SPMIP2: variants seen among roughly 807,000 people sequenced by gnomAD.
SPMIP2 encodes the protein sperm microtubule inner protein 2.
At chr4:158,949,597 G>A in the SPMIP2 span, among the ~76,000 whole-genome samples, 11 of 151,526 alleles carry the variant, frequency 7.3e-5, no homozygotes, top group South Asian at 2.1e-4. Flanking sequence ...CCCTATTTGC[G>A]GGATATTAAG....
At chr4:158,923,853 T>A in the SPMIP2 span, among the ~76,000 whole-genome samples, 6 of 152,192 alleles carry the variant, frequency 3.9e-5, no homozygotes, top group East Asian at 1.9e-4. Context: ...GGTTTTTTTT[T>A]ATAGATTCAC....
the SPMIP2 span, among the ~76,000 whole-genome samples, chr4:158,967,658 TG>T: frequency 1.3e-5 from 2 of 152,216 alleles, no homozygotes; most frequent in Non-Finnish European, 2.9e-5. Context: ...GACTCAAAAC[TG>T]GTGGCTATTT....
chr4:159,066,452 T>C, the SPMIP2 span, among the ~76,000 whole-genome samples: 3 of 152,044 alleles, frequency 2.0e-5, no homozygotes, highest in African/African-American at 7.3e-5. Flanking sequence ...CACCTCTGCA[T>C]GAATTCAGAA....
At chr4:159,050,182 T>C in the SPMIP2 span, among the ~76,000 whole-genome samples, 1 of 150,396 alleles carries the variant, frequency 6.6e-6, no homozygotes, top group Non-Finnish European at 1.5e-5. Flanking sequence ...TTCTTCTCAC[T>C]GGGTGGTACT....
At chr4:158,915,939 G>A in the SPMIP2 span, among the ~76,000 whole-genome samples, 4 of 152,186 alleles carry the variant, frequency 2.6e-5, no homozygotes, top group East Asian at 5.8e-4. Context: ...GGATTGTAAG[G>A]GTAGGGATTT....
At chr4:158,941,475 A>G in the SPMIP2 span, among the ~76,000 whole-genome samples, 1 of 152,122 alleles carries the variant, frequency 6.6e-6, no homozygotes, top group African/African-American at 2.4e-5. Flanking sequence ...TGGGAAACAT[A>G]AAGAGACTCT....
chr4:159,029,432 T>C, the SPMIP2 span, among the ~76,000 whole-genome samples: 1 of 152,342 alleles, frequency 6.6e-6, no homozygotes, highest in Admixed American at 6.5e-5. Context: ...ATGTACTTAA[T>C]AGAGTATGTT....
the SPMIP2 span, among the ~76,000 whole-genome samples, chr4:158,980,107 C>A: frequency 6.6e-6 from 1 of 150,906 alleles, no homozygotes; most frequent in Admixed American, 6.6e-5. Flanking sequence ...AACTGAGCAG[C>A]ACCCTCCACA....
chr4:159,066,589 T>TTATATATATATATATATATA, the SPMIP2 span, among the ~76,000 whole-genome samples: 116 of 76,492 alleles, frequency 1.5e-3, 1 homozygote, highest in Admixed American at 4.1e-3. Flanking sequence ...TGTGTGTATT[T>TTATATATATATATATATATA]TATATATATA....
At chr4:159,081,643 G>A in the SPMIP2 span, among the ~76,000 whole-genome samples, 3 of 151,894 alleles carry the variant, frequency 2.0e-5, no homozygotes, top group African/African-American at 7.3e-5. Context: ...AGCCATGTTT[G>A]CTCTGCACTC....
chr4:158,951,322 C>T, the SPMIP2 span, among the ~76,000 whole-genome samples: 1 of 152,208 alleles, frequency 6.6e-6, no homozygotes, highest in Non-Finnish European at 1.5e-5. Context: ...CCACGACACA[C>T]CTAGGCTATT....
At chr4:158,941,876 T>C in the SPMIP2 span, among the ~76,000 whole-genome samples, 2 of 152,216 alleles carry the variant, frequency 1.3e-5, no homozygotes, top group Admixed American at 1.3e-4. Context: ...TTGCTGTCAT[T>C]ACCATATGGT....
chr4:158,956,111 G>A, the SPMIP2 span, among the ~76,000 whole-genome samples: 2 of 152,308 alleles, frequency 1.3e-5, no homozygotes, highest in Admixed American at 6.5e-5. Context: ...GCCTTCTATA[G>A]GAATTGACCT....
the SPMIP2 span, among the ~76,000 whole-genome samples, chr4:158,978,487 G>T: frequency 6.6e-6 from 1 of 152,156 alleles, no homozygotes; most frequent in African/African-American, 2.4e-5. Flanking sequence ...TTTCTGTCTT[G>T]TTGATTTGTC....
the SPMIP2 span, among the ~76,000 whole-genome samples, chr4:158,938,680 C>T: frequency 6.6e-6 from 1 of 152,194 alleles, no homozygotes; most frequent in African/African-American, 2.4e-5. Flanking sequence ...CTAGTTACAC[C>T]AGTCATGCAC....
At chr4:158,991,772 A>T in the SPMIP2 span, among the ~76,000 whole-genome samples, 2 of 152,192 alleles carry the variant, frequency 1.3e-5, no homozygotes, top group Non-Finnish European at 2.9e-5. Flanking sequence ...TCTCATAAGG[A>T]ACTTTTTGCA....
the SPMIP2 span, among the ~76,000 whole-genome samples, chr4:158,991,238 AGAAAGAAGGAATTT>A: frequency 6.6e-6 from 1 of 152,248 alleles, no homozygotes; most frequent in Non-Finnish European, 1.5e-5. Flanking sequence ...GACTGGGGAC[AGAAAGAAGGAATTT>A]CATTTCTTTT....
the SPMIP2 span, among the ~76,000 whole-genome samples, chr4:158,941,277 T>C: frequency 1.3e-5 from 2 of 152,224 alleles, no homozygotes; most frequent in Non-Finnish European, 2.9e-5. Flanking sequence ...AATGATTGAA[T>C]AAGAACATTA....
the SPMIP2 span, among the ~76,000 whole-genome samples, chr4:158,934,959 A>T: frequency 2.6e-5 from 4 of 152,196 alleles, no homozygotes; most frequent in Admixed American, 2.0e-4. Context: ...CCTATTATAT[A>T]TCAGGTATTC....
Sources: allele counts gnomAD v4.1 joint callset (sites outside exome capture counted in the v4.1 genomes callset), GRCh38; gene constraint gnomAD v4.1.1; transcripts MANE v1.5; gene names NCBI Gene and HGNC (gene_info 2026-07-23, HGNC 2026-07-21).